The following SYNE3 variants were observed in gnomAD, a reference collection of about 807,000 sequenced individuals.
The protein encoded by SYNE3 is nesprin-3.
In SYNE3, 100 loss-of-function variants were observed where a neutral mutation model predicts 111.2. That is an observed-to-expected ratio of 0.90 (90% confidence interval 0.77 to 1.06). The LOEUF is 1.06. Among genes scored for constraint, SYNE3 ranks in the 50% least tolerant of loss-of-function variants. SYNE3 has a pLI of 0.00. For missense variants in SYNE3, 1,160 were observed against 1,240.3 expected, an observed-to-expected ratio of 0.94 and a Z score of 0.97; for synonymous variants, 547 against 533.9, an observed-to-expected ratio of 1.02 and a Z score of -0.34.
chr14:95,492,599 C>T (rs1889901864), intron 1 of SYNE3, among the ~76,000 whole-genome samples: 2 of 152,080 alleles, frequency 1.3e-5, no homozygotes, highest in East Asian at 3.8e-4. Flanking sequence ...TAGTGGTTTC[C>T]TAGGGCTAGG....
rs532215612 is a variant in SYNE3, at chr14:95,466,138, G to A, written c.420C>T (p.Ile140=). Reference sequence around the variant, plus strand: ...TCTCCTTCAGGCCCAGCTGGAGCTCGATGTGGGGCTCCAGTGTGACCATCA... The same window carrying A: ...TCTCCTTCAGGCCCAGCTGGAGCTCAATGTGGGGCTCCAGTGTGACCATCA... The part of the protein sequence containing the change: ...QKMMVTLEPH[I]ELQLGLKEKQ... The change falls in exon 4 of 18, where the codon ATC becomes ATT. Residue 140 remains isoleucine, a synonymous_variant. Transcript: ENST00000682763. 55 of 1,612,198 alleles carry A rather than the reference G, an allele frequency of 3.4e-5. No individual in the cohort carries two copies. The South Asian group carries it at 5.1e-4, about 15-fold the overall frequency.
At position 95,485,605 on chromosome 14, in the gene SYNE3, G is replaced by T. The variant is rs1254651322; in HGVS notation, c.-14-9770C>A. Among the ~76,000 whole-genome samples, 1 of 151,900 alleles carries T rather than the reference G, an allele frequency of 6.6e-6. No individual in the cohort carries two copies. Among genetic ancestry groups the T allele is most frequent in the East Asian group, 1.9e-4 (1 of 5,188 alleles). ...TCCCAGGAATGCCGAAATGCTCAGC[G>T]TTTTTTTCCCTCTGCCCTCACCAGG... On this transcript the variant is annotated intron_variant, in intron 1 of 17. Coordinates refer to ENST00000682763, the MANE Select transcript of SYNE3 (RefSeq NM_152592.6). This position sits in a 1 kb window ranked among gnomAD's most constrained non-coding sequence, Gnocchi z 4.3.
intron 17 of SYNE3, among the ~76,000 whole-genome samples, chr14:95,421,334 A>G (rs867225052): frequency 6.6e-6 from 1 of 152,294 alleles, no homozygotes; most frequent in South Asian, 2.1e-4. Context: ...AAGGTCTTAC[A>G]TGATGAATCT....
rs1340470646 is a variant in SYNE3, at chr14:95,442,707, T to TGGCCCTCTA, written c.1911+447_1911+448insTAGAGGGCC. Among the ~76,000 whole-genome samples, 4 of 152,202 alleles carry TGGCCCTCTA rather than the reference T, an allele frequency of 2.6e-5. No homozygotes were observed. In the South Asian group the frequency reaches 8.3e-4, roughly 31 times the overall value. On this transcript the variant is annotated intron_variant, in intron 11 of 17. Coordinates refer to ENST00000682763, the MANE Select transcript of SYNE3 (RefSeq NM_152592.6). Reference sequence around the variant, plus strand: ...AGCTGAGGTGGCCACTAGAGGGCACTGGCGATGAAGCTCTGTGGCCTCCAG... The same window carrying TGGCCCTCTA: ...AGCTGAGGTGGCCACTAGAGGGCACTGGCCCTCTAGGCGATGAAGCTCTGTGGCCTCCAG...
chr14:95,456,681 C>T (rs1041992812), intron 5 of SYNE3, among the ~76,000 whole-genome samples: 6 of 152,146 alleles, frequency 3.9e-5, no homozygotes, highest in Non-Finnish European at 5.9e-5. Context: ...TTCCATAAAG[C>T]CTCTGAGGAC....
intron 17 of SYNE3, among the ~76,000 whole-genome samples, chr14:95,429,050 G>A (rs1885592098): frequency 6.6e-6 from 1 of 152,244 alleles, no homozygotes; most frequent in Non-Finnish European, 1.5e-5. Flanking sequence ...CAGGCCTGTG[G>A]ATGTGCATAC....
chr14:95,409,161 T>C lies in SYNE3; in HGVS notation c.*8665A>G, dbSNP rs1422329767. 1 of 456,742 alleles carries C rather than the reference T, an allele frequency of 2.2e-6. No homozygotes were observed. The highest frequency in any genetic ancestry group is 4.4e-6 in the Non-Finnish European group (1 of 226,966). The allele number at this position is 456,742 out of a possible 1,614,324, so 28.3% of individuals were successfully genotyped here. ...GGGAACATTCCATAGAGTGGAGCAC[T>C]GGGCTCGGAGCCAGTCATGCCTGGG... On this transcript the variant is annotated 3_prime_UTR_variant, in exon 18 of 18. Coordinates refer to ENST00000682763, the MANE Select transcript of SYNE3 (RefSeq NM_152592.6).
rs760298891 is a variant in SYNE3, at chr14:95,465,994, G to C, written c.564C>G (p.Ser188Arg). 1.9e-6 allele frequency: 3 copies of C among 1,608,632 alleles called. No homozygotes were observed. The highest frequency in any genetic ancestry group is 1.1e-5 in the South Asian group (1 of 90,906). The change falls in exon 4 of 18, where the codon AGC becomes AGG. Residue 188 changes from serine to arginine, a missense_variant. Coordinates refer to ENST00000682763, the MANE Select transcript of SYNE3 (RefSeq NM_152592.6). ...TTCTCTTCTGGGCATCTTCGTCCAC[G>C]CTGGGGTCCCCGATCCTGTTGAACA... ...ASLFNRIGDP[S>R]VDEDAQKRMK...
chr14:95,513,525 G>A (rs1017609833), intron 1 of SYNE3, among the ~76,000 whole-genome samples: 4 of 151,868 alleles, frequency 2.6e-5, no homozygotes, highest in Non-Finnish European at 5.9e-5. Context: ...AATTATCTTC[G>A]CAGCAACCCC....
rs1903475920 is a variant in SYNE3, at chr14:95,413,112, T to G, written c.*4714A>C. On this transcript the variant is annotated 3_prime_UTR_variant, in exon 18 of 18. Coordinates refer to ENST00000682763, the MANE Select transcript of SYNE3 (RefSeq NM_152592.6). ...GTCCTCAGAGGAAAGTTGGGAACCA[T>G]GAAGGCACAGCCTGCCATTCCCATT... is the stretch of plus-strand genomic sequence containing the variant. 1 of 152,176 alleles carries G rather than the reference T, an allele frequency of 6.6e-6. No individual in the cohort carries two copies. The highest frequency in any genetic ancestry group is 2.4e-5 in the African/African-American group (1 of 41,428). 9.4% of individuals were successfully genotyped at this position (152,176 alleles called of 1,614,324 possible).
chr14:95,410,652 G>A lies in SYNE3; in HGVS notation c.*7174C>T, dbSNP rs879777402. 1 of 152,246 alleles carries A rather than the reference G, an allele frequency of 6.6e-6. No individual in the cohort carries two copies. 9.4% of individuals were successfully genotyped at this position (152,246 alleles called of 1,614,324 possible). A position where few individuals can be genotyped will look rare whatever the true frequency, so the allele number is the denominator to read the frequency against. ...GCCTTGGCTCTGACATCCATAACCT[G>A]AGGAGACGATGCCAGCAACCGCCTA... On this transcript the variant is annotated 3_prime_UTR_variant, in exon 18 of 18. Transcript: ENST00000682763.
rs767463552 is a variant in SYNE3, at chr14:95,439,731, C to T, written c.2127G>A (p.Ala709=). The T allele has an allele frequency of 8.7e-6, 14 of 1,614,132 alleles. No homozygotes were observed. The highest frequency in any genetic ancestry group is 1.6e-4 in the Middle Eastern group (1 of 6,062). ...ACTTCTCCATCACCAGCCAGCCCTGCGCTTCCACCAGGGACAGCTGGGCCT... is the reference window on the plus strand; with the variant it reads ...ACTTCTCCATCACCAGCCAGCCCTGTGCTTCCACCAGGGACAGCTGGGCCT... The part of the protein sequence containing the change: ...EKEAQLSLVE[A]QGWLVMEKSS... The change falls in exon 13 of 18, where the codon GCG becomes GCA. Residue 709 remains alanine, a synonymous_variant. Transcript: ENST00000682763.
chr14:95,462,558 C>T lies in SYNE3; in HGVS notation c.627+3373G>A, dbSNP rs566040906. Among the ~76,000 whole-genome samples, 324 of 152,362 alleles carry T rather than the reference C, an allele frequency of 2.1e-3. 2 individuals carry two copies. Among genetic ancestry groups the T allele is most frequent in the African/African-American group, 7.3e-3 (303 of 41,576 alleles). On this transcript the variant is annotated intron_variant, in intron 4 of 17. Coordinates refer to ENST00000682763, the MANE Select transcript of SYNE3 (RefSeq NM_152592.6). Reference sequence around the variant, plus strand: ...CCGCACCCCAAACCTCCCCCATCACCGCTGTCTCCGCACATGACACAGCCT... The same window carrying T: ...CCGCACCCCAAACCTCCCCCATCACTGCTGTCTCCGCACATGACACAGCCT...
At chr14:95,431,018 G>T (rs1315905627) in intron 17 of SYNE3, among the ~76,000 whole-genome samples, 1 of 152,202 alleles carries the variant, frequency 6.6e-6, no homozygotes, top group East Asian at 1.9e-4. Context: ...AGGCCAAGAA[G>T]AAATCACAGA....
intron 2 of SYNE3, among the ~76,000 whole-genome samples, chr14:95,468,262 T>C (rs912569959): frequency 2.6e-5 from 4 of 152,246 alleles, no homozygotes; most frequent in African/African-American, 7.2e-5. Context: ...CATTCTCTCC[T>C]TGGACTTGGT....
At chr14:95,466,371 C>A in intron 3 of SYNE3, 131 bp from the exon 4 acceptor site, 1 of 1,057,556 alleles carries the variant, frequency 9.5e-7, no homozygotes, top group Non-Finnish European at 1.3e-6. Context: ...CCTTTCTGGC[C>A]TCTGAGTCAC....
intron 17 of SYNE3, among the ~76,000 whole-genome samples, chr14:95,427,811 TC>T (rs557089558): frequency 5.3e-5 from 8 of 152,282 alleles, no homozygotes; most frequent in African/African-American, 1.9e-4. Flanking sequence ...TTTTCTTTTA[TC>T]TCTTTGTCTT....
intron 4 of SYNE3, among the ~76,000 whole-genome samples, chr14:95,460,358 C>A (rs1269052697): frequency 6.9e-6 from 1 of 144,930 alleles, no homozygotes; most frequent in Non-Finnish European, 1.5e-5. Context: ...GGGTGCACCA[C>A]GATGCCTAGT....
rs759221646 is a variant in SYNE3, at chr14:95,445,908, C to G, written c.1632+1G>C. The G allele has an allele frequency of 1.2e-6, 2 of 1,613,612 alleles. No individual in the cohort carries two copies. The highest frequency in any genetic ancestry group is 1.7e-6 in the Non-Finnish European group (2 of 1,179,848). On this transcript the variant is annotated splice_donor_variant, in intron 9 of 17. Coordinates refer to ENST00000682763, the MANE Select transcript of SYNE3 (RefSeq NM_152592.6). LOFTEE classifies it high-confidence loss of function. The stretch of plus-strand genomic sequence containing the variant: ...CCGAGCAGATGCCTGGTGCTGCACA[C>G]CTGCAGTTTGCTTTTCCTCTGCAGG...
Sources: allele counts gnomAD v4.1 joint callset (sites outside exome capture counted in the v4.1 genomes callset), GRCh38; gene constraint gnomAD v4.1.1; non-coding constraint Gnocchi (gnomAD v3.1); transcripts MANE v1.5; gene names NCBI Gene and HGNC (gene_info 2026-07-23, HGNC 2026-07-21).